The following ACP3 variants were observed in gnomAD, a reference collection of about 807,000 sequenced individuals.
ACP3 encodes prostatic acid phosphatase.
A neutral mutation model predicts 45.6 loss-of-function variants in ACP3; 38 were observed. The ratio of observed to expected loss-of-function variants is 0.83; its 90% confidence interval spans 0.64 to 1.09. ACP3 has a LOEUF of 1.09. Ranked by LOEUF, ACP3 falls within the 50% of genes least tolerant of loss-of-function variation. ACP3 has a pLI of 0.00. For synonymous variants in ACP3, 162 were observed against 164.7 expected (o/e 0.98, Z 0.13); for missense variants, 466 against 463.2 (o/e 1.01, Z -0.05).
chr3:132,348,504 CA>C (rs1937644048), intron 7 of ACP3, among the ~76,000 whole-genome samples: 1 of 151,998 alleles, frequency 6.6e-6, no homozygotes, highest in Admixed American at 6.6e-5. Flanking sequence ...GTAATCATAC[CA>C]GAACCAAGAA....
chr3:132,360,497 G>A (rs1320929990), downstream of ACP3, among the ~76,000 whole-genome samples: 1 of 152,142 alleles, frequency 6.6e-6, no homozygotes, highest in Non-Finnish European at 1.5e-5. Flanking sequence ...AGTGTTTTTA[G>A]CTAGTGCCAG....
At chr3:132,320,807 T>C (rs1937194049) in intron 1 of ACP3, among the ~76,000 whole-genome samples, 1 of 151,876 alleles carries the variant, frequency 6.6e-6, no homozygotes, top group South Asian at 2.1e-4. Flanking sequence ...TGTGCCACCA[T>C]GCCTGGCTAG....
chr3:132,352,076 A>G (rs1234311980), intron 8 of ACP3, among the ~76,000 whole-genome samples: 5 of 152,332 alleles, frequency 3.3e-5, no homozygotes, highest in African/African-American at 1.2e-4. Context: ...AAATATTTCA[A>G]AAAGGCACAG....
chr3:132,318,341 C>T (rs1162647261), intron 1 of ACP3, among the ~76,000 whole-genome samples: 2 of 151,658 alleles, frequency 1.3e-5, no homozygotes, highest in Non-Finnish European at 2.9e-5. Flanking sequence ...CTGCTTCTTG[C>T]CTTTCCTCTC....
At chr3:132,325,004 A>G (rs1244239852) in intron 1 of ACP3, among the ~76,000 whole-genome samples, 1 of 152,208 alleles carries the variant, frequency 6.6e-6, no homozygotes, top group African/African-American at 2.4e-5. Flanking sequence ...AAAAATCCTA[A>G]TTGCTAATAA....
rs773332320 is a variant in ACP3, at chr3:132,342,588, C to T, written c.592C>T (p.His198Tyr). The T allele has an allele frequency of 1.9e-6, 3 of 1,613,046 alleles. No individual in the cohort carries two copies. Among genetic ancestry groups the T allele is most frequent in the Non-Finnish European group, 2.5e-6 (3 of 1,179,654 alleles). ...TACCTTGGGAAAACTTTCAGGATTACATGGCCAGGACCTTTTTGGAATTTG... is the reference window on the plus strand; with the variant it reads ...TACCTTGGGAAAACTTTCAGGATTATATGGCCAGGACCTTTTTGGAATTTG... ...IATLGKLSGLHGQDLFGIWSK... is the reference protein window; with the variant it reads ...IATLGKLSGLYGQDLFGIWSK... The change falls in exon 6 of 10, where the codon CAT becomes TAT. Residue 198 changes from histidine to tyrosine, a missense_variant. His to Tyr is a moderately conservative substitution (Grantham distance 83). Coordinates refer to ENST00000336375, the MANE Select transcript of ACP3 (RefSeq NM_001099.5).
intron 1 of ACP3, among the ~76,000 whole-genome samples, chr3:132,318,354 G>A (rs1014052447): frequency 4.0e-5 from 6 of 148,926 alleles, no homozygotes; most frequent in South Asian, 2.1e-4. Flanking sequence ...TTCCTCTCTC[G>A]TTTTCTTTCT....
intron 10 of ACP3, chr3:132,367,654 T>G (rs1181515912): frequency 7.1e-7 from 1 of 1,399,262 alleles, no homozygotes; most frequent in Admixed American, 1.7e-5. Context: ...GATCTTCCTA[T>G]TTTCCTAATG....
rs200006619 is a variant in ACP3 at position 132,328,373 on chromosome 3, C to G, written c.216+11C>G. 187 of 1,608,452 alleles carry G rather than the reference C, an allele frequency of 1.2e-4. 2 individuals carry two copies. The highest frequency in any genetic ancestry group is 1.1e-3 in the South Asian group (96 of 90,966). On this transcript the variant is annotated intron_variant, in intron 2 of 9. Transcript: ENST00000336375. ...GGCCAACTCACCCAGGTTGGTTGGACTTTTAGCTAAAGATTGTTGATGAAG... is the reference window on the plus strand; with the variant it reads ...GGCCAACTCACCCAGGTTGGTTGGAGTTTTAGCTAAAGATTGTTGATGAAG...
chr3:132,362,288 A>G (rs144091075), downstream of ACP3, among the ~76,000 whole-genome samples: 848 of 152,252 alleles, frequency 5.6e-3, 9 homozygotes, highest in African/African-American at 0.019. Context: ...ACACTTTCCA[A>G]CATCCTATTT....
At chr3:132,366,805 CCCA>C (rs1938138835) in intron 10 of ACP3, among the ~76,000 whole-genome samples, 1 of 152,134 alleles carries the variant, frequency 6.6e-6, no homozygotes, top group African/African-American at 2.4e-5. Flanking sequence ...AGATCCCAAC[CCCA>C]ATACAATTAT....
At chr3:132,334,231 CA>C (rs1326340724) in intron 4 of ACP3, among the ~76,000 whole-genome samples, 2 of 152,026 alleles carry the variant, frequency 1.3e-5, no homozygotes, top group Non-Finnish European at 2.9e-5. Context: ...AGGAAAGAAA[CA>C]GGGAGAGTGA....
At chr3:132,352,693 C>G in intron 8 of ACP3, 27 bp from the exon 9 acceptor site, 1 of 1,509,032 alleles carries the variant, frequency 6.6e-7, no homozygotes, top group Non-Finnish European at 9.2e-7. Context: ...TCTGAACAGG[C>G]GATAAAATTG....
At position 132,358,177 on chromosome 3, in the gene ACP3, G is replaced by A. The variant is rs1937959060; in HGVS notation, c.*1299G>A. The stretch of plus-strand genomic sequence containing the variant: ...GGCTGAGGCAGGAGGATCACTTTAG[G>A]CCTGGTGTGTTCAAGACCAGCCTGG... On this transcript the variant is annotated 3_prime_UTR_variant, in exon 10 of 10. Transcript: ENST00000336375. The A allele has an allele frequency of 1.1e-6, 1 of 888,020 alleles. No individual in the cohort carries two copies. The highest frequency in any genetic ancestry group is 1.4e-6 in the Non-Finnish European group (1 of 727,412). 55.0% of individuals were successfully genotyped at this position (888,020 alleles called of 1,614,324 possible). A position where few individuals can be genotyped will look rare whatever the true frequency, so the allele number is the denominator to read the frequency against.
chr3:132,328,679 C>CAAAAAAAAAAAAAAAAAAA (rs553521994), intron 2 of ACP3, among the ~76,000 whole-genome samples: 1 of 70,258 alleles, frequency 1.4e-5, no homozygotes, highest in Non-Finnish European at 2.7e-5. Flanking sequence ...AACTCTATCT[C>CAAAAAAAAAAAAAAAAAAA]AAAAAAAAAA....
In ACP3 at chr3:132,342,682, GAT is replaced by G. The variant is rs376742673; in HGVS notation, c.648+39_648+40del. ...AAAATCACAGGTTAACTTGCAATCT[GAT>G]TTTATGATTTATGCTTATTTTGAAA... is the stretch of plus-strand genomic sequence containing the variant. On this transcript the variant is annotated intron_variant, in intron 6 of 9. Transcript: ENST00000336375. The G allele has an allele frequency of 1.6e-4, 200 of 1,237,132 alleles. No individual in the cohort carries two copies. In the African/African-American group the frequency reaches 2.7e-3, roughly 16 times the overall value. The allele number at this position is 1,237,132 out of a possible 1,614,324, so 76.6% of individuals were successfully genotyped here.
Position 132,356,694 on chromosome 3 carries a change from T to C in ACP3, c.977T>C (p.Phe326Ser). 4 of 1,613,992 alleles carry C rather than the reference T, an allele frequency of 2.5e-6. No homozygotes were observed. Among genetic ancestry groups the C allele is most frequent in the Non-Finnish European group, 3.4e-6 (4 of 1,180,028 alleles). The part of the protein sequence containing the change: ...TELYFEKGEY[F>S]VEMYYRNETQ... ...CTGCCTTTGTCTGCCAGGGAGTACT[T>C]TGTGGAGATGTACTATCGGAATGAG... The change falls in exon 10 of 10, where the codon TTT (phenylalanine) becomes TCT (serine). Residue 326 changes from phenylalanine (F) to serine (S), a missense_variant. Physicochemically the swap from Phe to Ser is radical, Grantham distance 155 (BLOSUM62 -2). Coordinates refer to ENST00000336375, the MANE Select transcript of ACP3 (RefSeq NM_001099.5).
chr3:132,361,832 C>G (rs1008705916), downstream of ACP3, among the ~76,000 whole-genome samples: 4 of 152,204 alleles, frequency 2.6e-5, no homozygotes, highest in African/African-American at 7.2e-5. Context: ...ACATTCCTCC[C>G]TGCATGGGCT....
At chr3:132,323,347 A>G (rs1937238928) in intron 1 of ACP3, among the ~76,000 whole-genome samples, 1 of 152,136 alleles carries the variant, frequency 6.6e-6, no homozygotes, top group Non-Finnish European at 1.5e-5. Flanking sequence ...TGTTCCAGGC[A>G]CTGTTTTGGG....
Sources: allele counts gnomAD v4.1 joint callset (sites outside exome capture counted in the v4.1 genomes callset), GRCh38; gene constraint gnomAD v4.1.1; transcripts MANE v1.5; gene names NCBI Gene and HGNC (gene_info 2026-07-23, HGNC 2026-07-21).